Variants in SDC3 observed in about 807,000 individuals in gnomAD.
SDC3 encodes the protein syndecan 3.
Under a neutral mutation model 24.4 loss-of-function variants are expected in SDC3, and 13 were observed. That is an observed-to-expected ratio of 0.53 (90% confidence interval 0.35 to 0.85). The LOEUF is 0.85. SDC3 is among the 40% of genes least tolerant of loss of function. The pLI, the probability that SDC3 is intolerant of heterozygous loss-of-function variation, is 0.01. For synonymous variants in SDC3, 295 were observed against 260.9 expected, an observed-to-expected ratio of 1.13 and a Z score of -1.26; for missense variants, 571 against 584.5, an observed-to-expected ratio of 0.98 and a Z score of 0.24.
At chr1:30,877,387 G>A (rs532910649) in intron 2 of SDC3, 1 of 640,944 alleles carries the variant, frequency 1.6e-6, no homozygotes, top group African/African-American at 1.8e-5. Flanking sequence ...AAATTCTGGG[G>A]GCCGCCTCTC....
intron 1 of SDC3, among the ~76,000 whole-genome samples, chr1:30,881,022 C>T (rs866710467): frequency 1.7e-4 from 25 of 147,786 alleles, no homozygotes; most frequent in African/African-American, 3.9e-4. Flanking sequence ...CACGCGCGCA[C>T]GCATGCACAC....
intron 1 of SDC3, among the ~76,000 whole-genome samples, chr1:30,887,919 G>A (rs1639853629): frequency 6.6e-6 from 1 of 152,216 alleles, no homozygotes; most frequent in Non-Finnish European, 1.5e-5. Flanking sequence ...AGTTCTCTCT[G>A]ATCCCTCCAA....
At chr1:30,895,230 G>C (rs949457942) in intron 1 of SDC3, among the ~76,000 whole-genome samples, 6 of 152,160 alleles carry the variant, frequency 3.9e-5, no homozygotes, top group Non-Finnish European at 8.8e-5. Flanking sequence ...CATCACACAT[G>C]TTGCAGGTAC....
intron 1 of SDC3, among the ~76,000 whole-genome samples, chr1:30,901,419 C>G (rs927230061): frequency 1.3e-5 from 2 of 152,188 alleles, no homozygotes; most frequent in African/African-American, 4.8e-5. Flanking sequence ...TGGAAAGCAC[C>G]CAGTCTCACC....
At chr1:30,885,877 A>T (rs532149965) in intron 1 of SDC3, among the ~76,000 whole-genome samples, 1 of 152,262 alleles carries the variant, frequency 6.6e-6, no homozygotes, top group South Asian at 2.1e-4. Flanking sequence ...CCCTGTGCCT[A>T]GACAGAAGCT....
chr1:30,878,764 A>G (rs1416904438), intron 1 of SDC3, 24 bp from the exon 2 acceptor site: 4 of 1,604,002 alleles, frequency 2.5e-6, no homozygotes, highest in Non-Finnish European at 3.4e-6. Flanking sequence ...AGGTGGACAC[A>G]GGGCTCGGCA....
In SDC3 at chr1:30,894,232, C is replaced by T. The variant is rs576911794; in HGVS notation, c.138+14217G>A. 9.9e-5 allele frequency among the ~76,000 whole-genome samples: 13 copies of T among 131,258 alleles called. No individual in the cohort carries two copies. In the East Asian group the frequency reaches 2.1e-3, roughly 21 times the overall value. The allele number at this position is 131,258 out of a possible 152,430, so 86.1% of individuals were successfully genotyped here. A position where few individuals can be genotyped will look rare whatever the true frequency, so the allele number is the denominator to read the frequency against. On this transcript the variant is annotated intron_variant, in intron 1 of 4. Transcript: ENST00000339394. Reference sequence around the variant, plus strand: ...GAGTGTGTGTGTGAGTGTGTGGGGACGACAGCGTGTGTGTGGATGAGTATG... The same window carrying T: ...GAGTGTGTGTGTGAGTGTGTGGGGATGACAGCGTGTGTGTGGATGAGTATG...
At chr1:30,881,976 C>T (rs970758900) in intron 1 of SDC3, among the ~76,000 whole-genome samples, 3 of 152,178 alleles carry the variant, frequency 2.0e-5, no homozygotes, top group African/African-American at 7.2e-5. Context: ...TGTCCATGCC[C>T]ACCCAACATC....
At chr1:30,885,668 C>A (rs565192295) in intron 1 of SDC3, among the ~76,000 whole-genome samples, 3 of 152,236 alleles carry the variant, frequency 2.0e-5, no homozygotes, top group Admixed American at 1.3e-4. Flanking sequence ...ACGGCCCAAC[C>A]GAGTCTCACC....
chr1:30,891,255 C>G (rs563791244), intron 1 of SDC3, among the ~76,000 whole-genome samples: 37 of 152,334 alleles, frequency 2.4e-4, no homozygotes, highest in African/African-American at 8.9e-4. Context: ...CCATGGCTGT[C>G]TAGGGCAACC....
chr1:30,890,529 C>T (rs1006514606), intron 1 of SDC3, among the ~76,000 whole-genome samples: 2 of 152,204 alleles, frequency 1.3e-5, no homozygotes, highest in African/African-American at 4.8e-5. Flanking sequence ...ATGGGTACAG[C>T]GTTTCTTTCT....
Position 30,908,257 on chromosome 1 carries a change from AG to A in SDC3, c.138+191del, listed in dbSNP as rs560140355. On this transcript the variant is annotated intron_variant, in intron 1 of 4. Coordinates refer to ENST00000339394, the MANE Select transcript of SDC3 (RefSeq NM_014654.4). Reference sequence around the variant, plus strand: ...GATGCCAGCTAGGGGGAGATTCCGGAGGGGGGGGAGCAGGGTGCAGAAAGGG... The same window carrying A: ...GATGCCAGCTAGGGGGAGATTCCGGAGGGGGGGAGCAGGGTGCAGAAAGGG... 5.4e-3 allele frequency among the ~76,000 whole-genome samples: 242 copies of A among 44,646 alleles called. 1 individual carries two copies. Among genetic ancestry groups the A allele is most frequent in the African/African-American group, 0.025 (219 of 8,798 alleles). The allele number at this position is 44,646 out of a possible 152,430, so 29.3% of individuals were successfully genotyped here. A position where few individuals can be genotyped will look rare whatever the true frequency, so the allele number is the denominator to read the frequency against.
Position 30,874,453 on chromosome 1 carries a change from C to T in SDC3, c.1006G>A (p.Val336Met). Residue 336 changes from valine (V) to methionine (M), a missense_variant, in exon 4 of 5, where the codon GTG becomes ATG. Val to Met is a conservative substitution (Grantham distance 21). Transcript: ENST00000339394. ...QPDTANEVVA[V>M]GGAAAKASSP... ...GATGCCTTGGCCGCAGCCCCTCCCA[C>T]AGCTACCACCTCATTGGCTGTGTCT... The T allele has an allele frequency of 6.2e-7, 1 of 1,614,230 alleles. No homozygotes were observed. The highest frequency in any genetic ancestry group is 8.5e-7 in the Non-Finnish European group (1 of 1,180,040).
chr1:30,875,950 C>T (rs1639629655), intron 3 of SDC3, among the ~76,000 whole-genome samples: 1 of 152,140 alleles, frequency 6.6e-6, no homozygotes, highest in African/African-American at 2.4e-5. Context: ...CCCAGGCAGC[C>T]CTCCACAAGG....
At chr1:30,894,040 C>G (rs530324449) in intron 1 of SDC3, among the ~76,000 whole-genome samples, 2 of 152,220 alleles carry the variant, frequency 1.3e-5, no homozygotes, top group Non-Finnish European at 2.9e-5. Context: ...ACCAGCTGCC[C>G]CTCTGGCCTG....
intron 1 of SDC3, among the ~76,000 whole-genome samples, 152 bp downstream of exon 1, chr1:30,908,297 G>A (rs1171763550): frequency 6.8e-6 from 1 of 147,416 alleles, no homozygotes; most frequent in African/African-American, 2.5e-5. Context: ...CTCGGGGGAG[G>A]GTCGAGGGGT....
Position 30,874,488 on chromosome 1 carries a change from G to T in SDC3, c.971C>A (p.Thr324Asn). 6.2e-7 allele frequency: 1 copy of T among 1,614,148 alleles called. No individual in the cohort carries two copies. The highest frequency in any genetic ancestry group is 8.5e-7 in the Non-Finnish European group (1 of 1,180,034). Reference protein sequence around the residue: ...SGDFELPEEETTQPDTANEVV... With the variant: ...SGDFELPEEENTQPDTANEVV... ...CTCATTGGCTGTGTCTGGTTGTGTG[G>T]TCTCTTCTTCTGGCAGCTCGAAGTC... The change falls in exon 4 of 5, where the codon ACC (threonine) becomes AAC (asparagine). Residue 324 changes from threonine to asparagine, a missense_variant. Thr to Asn is a moderately conservative substitution (Grantham distance 65). Around this residue, in one of 2 missense-constraint regions of SDC3, gnomAD observed 497 missense variants for 471.6 expected, o/e 1.05. Transcript: ENST00000339394.
rs1478035274 is a variant in SDC3 at position 30,869,785 on chromosome 1, G to A, written c.*3426C>T. 5.0e-6 allele frequency: 2 copies of A among 398,628 alleles called. No individual in the cohort carries two copies. Among genetic ancestry groups the A allele is most frequent in the Non-Finnish European group, 4.4e-6 (1 of 226,224 alleles). 24.7% of individuals were successfully genotyped at this position (398,628 alleles called of 1,614,324 possible). On this transcript the variant is annotated 3_prime_UTR_variant, in exon 5 of 5. Transcript: ENST00000339394. ...GCAGACCCCCACCCACCCCAGGCAGGTTCTGTACAGGAGAAAGGACTCACA... is the reference window on the plus strand; with the variant it reads ...GCAGACCCCCACCCACCCCAGGCAGATTCTGTACAGGAGAAAGGACTCACA...
chr1:30,881,686 T>C (rs1639747452), intron 1 of SDC3, among the ~76,000 whole-genome samples: 1 of 152,220 alleles, frequency 6.6e-6, no homozygotes, highest in Admixed American at 6.5e-5. Context: ...TGCCTGCTGC[T>C]GCTGAGGGCC....
Sources: allele counts gnomAD v4.1 joint callset (sites outside exome capture counted in the v4.1 genomes callset), GRCh38; gene constraint gnomAD v4.1.1; regional missense constraint gnomAD v4.1.1; transcripts MANE v1.5; gene names NCBI Gene and HGNC (gene_info 2026-07-23, HGNC 2026-07-21).